PCNX1: variants seen among roughly 807,000 people sequenced by gnomAD.
The protein encoded by PCNX1 is pecanex-like protein 1.
In PCNX1, 78 loss-of-function variants were observed where a neutral mutation model predicts 242.2. The observed-to-expected ratio is 0.32, with a 90% CI of 0.27 to 0.39. The LOEUF is 0.39. Ranked by LOEUF, PCNX1 falls within the 10% of genes least tolerant of loss-of-function variation. The pLI is 1.00. For missense variants in PCNX1, 2,581 were observed against 2,856.5 expected, an observed-to-expected ratio of 0.90 and a Z score of 2.20; for synonymous variants, 1,024 against 1,032.9, an observed-to-expected ratio of 0.99 and a Z score of 0.17.
At chr14:70,956,113 C>T (rs2057984305) in intron 2 of PCNX1, among the ~76,000 whole-genome samples, 1 of 152,134 alleles carries the variant, frequency 6.6e-6, no homozygotes, top group Non-Finnish European at 1.5e-5. Context: ...TCCTACAATG[C>T]AGTCAAAAAT....
At chr14:70,931,809 A>C (rs2056810348) in intron 1 of PCNX1, among the ~76,000 whole-genome samples, 1 of 152,204 alleles carries the variant, frequency 6.6e-6, no homozygotes, top group African/African-American at 2.4e-5. Context: ...CTCAGACCAC[A>C]CAAAGAGAAA....
intron 30 of PCNX1, among the ~76,000 whole-genome samples, chr14:71,101,706 A>G (rs374162914): frequency 1.3e-5 from 2 of 152,190 alleles, no homozygotes; most frequent in African/African-American, 2.4e-5. Context: ...TGAAAAACCA[A>G]CTTGAAAGAG....
Position 70,984,394 on chromosome 14 carries a change from A to AT in PCNX1, c.2312-4163dup, listed in dbSNP as rs902352364. ...ATTAATCAGGTATATGATTGACATC[A>AT]TTTTTTTTTTGAGACGGAGTCTCAC... On this transcript the variant is annotated intron_variant, in intron 6 of 35. Transcript: ENST00000304743. 2.4e-4 allele frequency among the ~76,000 whole-genome samples: 35 copies of AT among 148,908 alleles called. 1 individual carries two copies. Among genetic ancestry groups the AT allele is most frequent in the South Asian group, 6.4e-4 (3 of 4,682 alleles).
chr14:71,006,199 GCTTGT>G (rs1239668248), intron 8 of PCNX1, among the ~76,000 whole-genome samples: 1 of 149,256 alleles, frequency 6.7e-6, no homozygotes, highest in Non-Finnish European at 1.5e-5. Flanking sequence ...TGTTGCCTGG[GCTTGT>G]CTTGAACTCC....
At chr14:70,928,465 T>A (rs1349799052) in intron 1 of PCNX1, among the ~76,000 whole-genome samples, 1 of 152,236 alleles carries the variant, frequency 6.6e-6, no homozygotes, top group Non-Finnish European at 1.5e-5. Context: ...TCCTCATATT[T>A]ACCATTTAGA....
At chr14:71,084,165 A>G (rs1201632456) in intron 28 of PCNX1, among the ~76,000 whole-genome samples, 2 of 152,160 alleles carry the variant, frequency 1.3e-5, no homozygotes, top group Admixed American at 6.5e-5. Flanking sequence ...TTGCCTGGGT[A>G]TCACCAGTGG....
chr14:71,035,304 A>G (rs2060498070), intron 18 of PCNX1, among the ~76,000 whole-genome samples: 1 of 152,254 alleles, frequency 6.6e-6, no homozygotes, highest in Admixed American at 6.5e-5. Context: ...CAATGGGGGA[A>G]TAAAATCTTC....
At chr14:70,911,349 A>G (rs2055897944) in intron 1 of PCNX1, among the ~76,000 whole-genome samples, 2 of 124,874 alleles carry the variant, frequency 1.6e-5, no homozygotes, top group Non-Finnish European at 3.6e-5. Context: ...TTAGGACTTT[A>G]TAGGATTCAA....
chr14:70,915,619 A>G (rs1268748563), intron 1 of PCNX1, among the ~76,000 whole-genome samples: 2 of 152,092 alleles, frequency 1.3e-5, no homozygotes, highest in African/African-American at 2.4e-5. Flanking sequence ...CAGTTTAATC[A>G]TTTACCTCTT....
chr14:71,086,847 C>A (rs1291585567), intron 28 of PCNX1, among the ~76,000 whole-genome samples: 1 of 152,130 alleles, frequency 6.6e-6, no homozygotes, highest in South Asian at 2.1e-4. Context: ...GTAGGGCTAC[C>A]TCATTTGTTT....
Position 71,111,211 on chromosome 14 carries a change from A to C in PCNX1, c.*1276A>C, listed in dbSNP as rs1239829291. 6 of 152,592 alleles carry C rather than the reference A, an allele frequency of 3.9e-5. No individual in the cohort carries two copies. Among genetic ancestry groups the C allele is most frequent in the Non-Finnish European group, 7.3e-5 (5 of 68,032 alleles). The allele number at this position is 152,592 out of a possible 1,614,324, so 9.5% of individuals were successfully genotyped here. ...TTTTTTTTAAATGCATATTCAGGGA[A>C]ATATATTACTCATATTTACAATTGG... is the stretch of plus-strand genomic sequence containing the variant. On this transcript the variant is annotated 3_prime_UTR_variant, in exon 36 of 36. Coordinates refer to ENST00000304743, the MANE Select transcript of PCNX1 (RefSeq NM_014982.3).
intron 11 of PCNX1, among the ~76,000 whole-genome samples, chr14:71,016,514 T>C (rs1461834685): frequency 2.0e-5 from 3 of 152,216 alleles, no homozygotes; most frequent in African/African-American, 7.2e-5. Flanking sequence ...ACGAGAGTTA[T>C]TAAATTTTAA....
At chr14:71,005,553 T>A (rs1595210521) in intron 8 of PCNX1, among the ~76,000 whole-genome samples, 1 of 151,970 alleles carries the variant, frequency 6.6e-6, no homozygotes, top group Non-Finnish European at 1.5e-5. Flanking sequence ...GTTTCTTAGG[T>A]GAGTACTGTT....
Position 71,103,381 on chromosome 14 carries a change from GTTC to G in PCNX1, c.5821-12_5821-10del. The G allele has an allele frequency of 6.2e-7, 1 of 1,613,024 alleles. No individual in the cohort carries two copies. Among genetic ancestry groups the G allele is most frequent in the Non-Finnish European group, 8.5e-7 (1 of 1,179,188 alleles). On this transcript the variant is annotated splice_polypyrimidine_tract_variant and intron_variant, in intron 31 of 35. Coordinates refer to ENST00000304743, the MANE Select transcript of PCNX1 (RefSeq NM_014982.3). ...TGGCCCCTTAACCTAATTCCCTTGT[GTTC>G]TGGTTTTCAGGTGAATAAGGAATGT...
At chr14:71,081,475 T>G (rs1322018086) in intron 28 of PCNX1, among the ~76,000 whole-genome samples, 1 of 152,214 alleles carries the variant, frequency 6.6e-6, no homozygotes, top group Non-Finnish European at 1.5e-5. Flanking sequence ...CTGGTAGAAT[T>G]CAGCTGTCAG....
At chr14:71,067,221 G>A (rs561042393) in intron 26 of PCNX1, among the ~76,000 whole-genome samples, 7 of 152,168 alleles carry the variant, frequency 4.6e-5, no homozygotes, top group East Asian at 3.9e-4. Context: ...GGTAGAATTC[G>A]GCTGTGAATC....
intron 28 of PCNX1, among the ~76,000 whole-genome samples, chr14:71,086,625 C>G (rs2061997461): frequency 6.6e-6 from 1 of 152,184 alleles, no homozygotes; most frequent in South Asian, 2.1e-4. Context: ...CCTTTGTATT[C>G]CATTCGGATG....
rs201464749 is a variant in PCNX1, at chr14:71,033,444, C to G, written c.3574C>G (p.Gln1192Glu). The change falls in exon 17 of 36, where the codon CAG (glutamine) becomes GAG (glutamate). Residue 1192 changes from glutamine (Q) to glutamate (E), a missense_variant. Around this residue, in one of 9 missense-constraint regions of PCNX1, gnomAD observed 432 missense variants for 443.1 expected, o/e 0.97. Coordinates refer to ENST00000304743, the MANE Select transcript of PCNX1 (RefSeq NM_014982.3). ...YGALKDSWDG[Q>E]HIPVLFSIFC... ...TTTTCCGCAGGATTCTTGGGATGGC[C>G]AGCATATTCCAGTACTTTTCTCCAT... is the stretch of plus-strand genomic sequence containing the variant. 73 of 1,590,076 alleles carry G rather than the reference C, an allele frequency of 4.6e-5. No individual in the cohort carries two copies. The Middle Eastern group carries it at 5.0e-4, about 11-fold the overall frequency.
At chr14:70,944,292 G>C (rs2140282070) in intron 1 of PCNX1, among the ~76,000 whole-genome samples, 1 of 152,354 alleles carries the variant, frequency 6.6e-6, no homozygotes, top group South Asian at 2.1e-4. Flanking sequence ...AGCTGTCCAA[G>C]GCCATGGGAG....
Sources: gnomAD v4.1 joint callset for allele counts (sites outside exome capture counted in the v4.1 genomes callset) on GRCh38, gnomAD v4.1.1 for gene constraint, gnomAD v4.1.1 regional missense constraint, MANE v1.5 for transcripts, NCBI Gene and HGNC (gene_info 2026-07-23, HGNC 2026-07-21) for gene names.